The following PEX3 variants were observed in gnomAD, a reference collection of about 807,000 sequenced individuals.
The protein encoded by PEX3 is peroxin-3.
PEX3 carries 30 observed loss-of-function variants against 55.8 expected under a neutral mutation model. That is an observed-to-expected ratio of 0.54 (90% confidence interval 0.40 to 0.73). PEX3 has a LOEUF of 0.73. Ranked by LOEUF, PEX3 falls within the 30% of genes least tolerant of loss-of-function variation. The pLI, the probability that PEX3 is intolerant of heterozygous loss-of-function variation, is 0.00. For missense variants in PEX3, 351 were observed against 432.8 expected (o/e 0.81, Z 1.68); for synonymous variants, 135 against 148.4 (o/e 0.91, Z 0.66).
Position 143,454,532 on chromosome 6 carries a change from A to T in PEX3, c.73+3417A>T, listed in dbSNP as rs575875039. ...CATTCATTCATTCATTCTGTCATTG[A>T]ACAAACATTTGAATGAGAGTAAGTG... On this transcript the variant is annotated intron_variant, in intron 1 of 11. Coordinates refer to ENST00000367591, the MANE Select transcript of PEX3 (RefSeq NM_003630.3). This position sits in a 1 kb window ranked among gnomAD's most constrained non-coding sequence, Gnocchi z 4.3. 6.6e-6 allele frequency among the ~76,000 whole-genome samples: 1 copy of T among 152,356 alleles called. No individual in the cohort carries two copies. The highest frequency in any genetic ancestry group is 2.4e-5 in the African/African-American group (1 of 41,590).
rs2128745914 is a variant in PEX3, at chr6:143,463,581, T to C, written c.287+584T>C. 6.6e-6 allele frequency among the ~76,000 whole-genome samples: 1 copy of C among 152,196 alleles called. No homozygotes were observed. Among genetic ancestry groups the C allele is most frequent in the Non-Finnish European group, 1.5e-5 (1 of 68,002 alleles). ...GGGGTATTGTAATTTGGTATGATACTGTATTAGTTTGAGAAGACTTCCAGC... is the reference window on the plus strand; with the variant it reads ...GGGGTATTGTAATTTGGTATGATACCGTATTAGTTTGAGAAGACTTCCAGC... On this transcript the variant is annotated intron_variant, in intron 3 of 11. Transcript: ENST00000367591. The surrounding 1 kb of genome is among the most constrained non-coding windows in gnomAD (Gnocchi z 5.7).
Position 143,485,961 on chromosome 6 carries a change from A to C in PEX3, c.1038+713A>C, listed in dbSNP as rs538499438. On this transcript the variant is annotated intron_variant, in intron 11 of 11. Coordinates refer to ENST00000367591, the MANE Select transcript of PEX3 (RefSeq NM_003630.3). The surrounding 1 kb of genome is among the most constrained non-coding windows in gnomAD (Gnocchi z 5.6). Reference sequence around the variant, plus strand: ...ATAATGTACAATGAGAAGAGACCCTATGGCCTAAGCATAAAGCTGACATCT... The same window carrying C: ...ATAATGTACAATGAGAAGAGACCCTCTGGCCTAAGCATAAAGCTGACATCT... Among the ~76,000 whole-genome samples the C allele has an allele frequency of 6.6e-6, 1 of 152,158 alleles. No individual in the cohort carries two copies. Among genetic ancestry groups the C allele is most frequent in the East Asian group, 1.9e-4 (1 of 5,194 alleles).
rs1779948256 is a variant in PEX3 at position 143,463,202 on chromosome 6, G to A, written c.287+205G>A. ...TTTTGCATAAAGCATTCAAGGCAAT[G>A]ATATTTGTATGTATTGTTTTTCATA... On this transcript the variant is annotated intron_variant, in intron 3 of 11. Coordinates refer to ENST00000367591, the MANE Select transcript of PEX3 (RefSeq NM_003630.3). This position sits in a 1 kb window ranked among gnomAD's most constrained non-coding sequence, Gnocchi z 5.7. Among the ~76,000 whole-genome samples, 1 of 152,164 alleles carries A rather than the reference G, an allele frequency of 6.6e-6. No individual in the cohort carries two copies. The highest frequency in any genetic ancestry group is 2.4e-5 in the African/African-American group (1 of 41,434).
Position 143,489,766 on chromosome 6 carries a change from G to A in PEX3, c.*540G>A, listed in dbSNP as rs1790446056. ...TGATGGAGGACTTTTTTATTCTTAT[G>A]GAAATAGTGAATTCCAACAACTATG... On this transcript the variant is annotated 3_prime_UTR_variant, in exon 12 of 12. Coordinates refer to ENST00000367591, the MANE Select transcript of PEX3 (RefSeq NM_003630.3). This position sits in a 1 kb window ranked among gnomAD's most constrained non-coding sequence, Gnocchi z 5.5. 1 of 151,786 alleles carries A rather than the reference G, an allele frequency of 6.6e-6. No homozygotes were observed. The highest frequency in any genetic ancestry group is 1.5e-5 in the Non-Finnish European group (1 of 67,924). 9.4% of individuals were successfully genotyped at this position (151,786 alleles called of 1,614,324 possible). A position where few individuals can be genotyped will look rare whatever the true frequency, so the allele number is the denominator to read the frequency against.
At chr6:143,455,359 A>ATTTTTTTTTTTTTTTTTTTTTTTTTTTT (rs56788350) in intron 1 of PEX3, among the ~76,000 whole-genome samples, 1 of 71,968 alleles carries the variant, frequency 1.4e-5, no homozygotes, top group Admixed American at 2.1e-4. Context: ...CGCCCGGCTA[A>ATTTTTTTTTTTTTTTTTTTTTTTTTTTT]TTTTTTTTTT....
Position 143,487,714 on chromosome 6 carries a change from C to T in PEX3, c.1039-1429C>T, listed in dbSNP as rs1209637713. On this transcript the variant is annotated intron_variant, in intron 11 of 11. Transcript: ENST00000367591. This position sits in a 1 kb window ranked among gnomAD's most constrained non-coding sequence, Gnocchi z 5.3. ...AGCATTCAGCCTGCATTTTCTGAAG[C>T]TGACTTGCTAGTATTTTTTTTTTTA... Among the ~76,000 whole-genome samples, 1 of 151,990 alleles carries T rather than the reference C, an allele frequency of 6.6e-6. No homozygotes were observed. Among genetic ancestry groups the T allele is most frequent in the Non-Finnish European group, 1.5e-5 (1 of 67,946 alleles).
chr6:143,459,236 A>T lies in PEX3; in HGVS notation c.205+20A>T. The T allele has an allele frequency of 3.1e-6, 5 of 1,603,644 alleles. No homozygotes were observed. The highest frequency in any genetic ancestry group is 4.3e-6 in the Non-Finnish European group (5 of 1,170,888). On this transcript the variant is annotated intron_variant, in intron 2 of 11. Coordinates refer to ENST00000367591, the MANE Select transcript of PEX3 (RefSeq NM_003630.3). The surrounding 1 kb of genome is among the most constrained non-coding windows in gnomAD (Gnocchi z 4.2). Reference sequence around the variant, plus strand: ...TGACAGGTAAGACAGAGAAATATTTATACATGTGTAAAGTTGTTTGACGGT... The same window carrying T: ...TGACAGGTAAGACAGAGAAATATTTTTACATGTGTAAAGTTGTTTGACGGT...
chr6:143,473,832 A>G (rs1780109897), intron 8 of PEX3, among the ~76,000 whole-genome samples: 1 of 152,014 alleles, frequency 6.6e-6, no homozygotes, highest in African/African-American at 2.4e-5. Flanking sequence ...TGGTTGCACC[A>G]TTGCACTCCA....
chr6:143,488,627 TG>T lies in PEX3; in HGVS notation c.1039-515del, dbSNP rs1185636127. On this transcript the variant is annotated intron_variant, in intron 11 of 11. Transcript: ENST00000367591. This position sits in a 1 kb window ranked among gnomAD's most constrained non-coding sequence, Gnocchi z 4.9. ...GGTTAGAAGTTAAAGAAAATGAAGGTGTAATTTTTTTCTTATCTTCACATTC... is the reference window on the plus strand; with the variant it reads ...GGTTAGAAGTTAAAGAAAATGAAGGTTAATTTTTTTCTTATCTTCACATTC... Among the ~76,000 whole-genome samples, 3 of 152,222 alleles carry T rather than the reference TG, an allele frequency of 2.0e-5. No homozygotes were observed. The highest frequency in any genetic ancestry group is 4.4e-5 in the Non-Finnish European group (3 of 67,958).
In PEX3 at chr6:143,458,958, T is replaced by A. The variant is rs1046757078; in HGVS notation, c.74-127T>A. The A allele has an allele frequency of 3.2e-5, 21 of 655,606 alleles. No individual in the cohort carries two copies. The East Asian group carries it at 6.2e-4, about 19-fold the overall frequency. 40.6% of individuals were successfully genotyped at this position (655,606 alleles called of 1,614,324 possible). A position where few individuals can be genotyped will look rare whatever the true frequency, so the allele number is the denominator to read the frequency against. ...GGGCCAATCTTACAAAATTCTTTAT[T>A]TAGGTTTTAAAAATGTAATTTTAGC... On this transcript the variant is annotated intron_variant, in intron 1 of 11. Transcript: ENST00000367591. The surrounding 1 kb of genome is among the most constrained non-coding windows in gnomAD (Gnocchi z 6.1).
At chr6:143,472,354 A>C (rs1375492318) in intron 8 of PEX3, 26 bp downstream of exon 8, 12 of 1,533,608 alleles carry the variant, frequency 7.8e-6, no homozygotes, top group Non-Finnish European at 1.1e-5. Flanking sequence ...CCATTTAACC[A>C]AACCAGTTAC....
chr6:143,459,136 A>G lies in PEX3; in HGVS notation c.125A>G (p.Glu42Gly), dbSNP rs754388481. The G allele has an allele frequency of 6.2e-7, 1 of 1,605,394 alleles. No homozygotes were observed. Among genetic ancestry groups the G allele is most frequent in the Non-Finnish European group, 8.5e-7 (1 of 1,172,132 alleles). The change falls in exon 2 of 12, where the codon GAA (glutamate) becomes GGA (glycine). Residue 42 changes from glutamate (E) to glycine (G), a missense_variant. Glu to Gly is a moderately conservative substitution (Grantham distance 98). Transcript: ENST00000367591. This position sits in a 1 kb window ranked among gnomAD's most constrained non-coding sequence, Gnocchi z 4.2. Reference sequence around the variant, plus strand: ...CAGAAGAAAATCAGAGAAATACAGGAAAGGGAGGCTGCAGAATACATTGCC... The same window carrying G: ...CAGAAGAAAATCAGAGAAATACAGGGAAGGGAGGCTGCAGAATACATTGCC... ...YGQKKIREIQ[E>G]REAAEYIAQA...
Position 143,485,265 on chromosome 6 carries a change from G to A in PEX3, c.1038+17G>A, listed in dbSNP as rs1178008745. On this transcript the variant is annotated intron_variant, in intron 11 of 11. Coordinates refer to ENST00000367591, the MANE Select transcript of PEX3 (RefSeq NM_003630.3). The surrounding 1 kb of genome is among the most constrained non-coding windows in gnomAD (Gnocchi z 5.6). ...TTTGTTCAGGTAAGAAGAAAGCTTG[G>A]GAGTGTTATTAAAAGCAAATTATAT... 6 of 1,383,162 alleles carry A rather than the reference G, an allele frequency of 4.3e-6. No individual in the cohort carries two copies. The highest frequency in any genetic ancestry group is 6.2e-6 in the Non-Finnish European group (6 of 969,824). 85.7% of individuals were successfully genotyped at this position (1,383,162 alleles called of 1,614,324 possible). A position where few individuals can be genotyped will look rare whatever the true frequency, so the allele number is the denominator to read the frequency against.
At position 143,453,997 on chromosome 6, in the gene PEX3, A is replaced by G. The variant is rs1471510125; in HGVS notation, c.73+2882A>G. On this transcript the variant is annotated intron_variant, in intron 1 of 11. Transcript: ENST00000367591. The surrounding 1 kb of genome is among the most constrained non-coding windows in gnomAD (Gnocchi z 4.6). The stretch of plus-strand genomic sequence containing the variant: ...AAGCTTTCTAAATTTTATATCTATT[A>G]ATAGTTATGATATTCAAAATTAAAA... Among the ~76,000 whole-genome samples the G allele has an allele frequency of 3.3e-5, 5 of 152,062 alleles. No homozygotes were observed. The highest frequency in any genetic ancestry group is 5.9e-5 in the Non-Finnish European group (4 of 68,020).
In PEX3 at chr6:143,450,956, G is replaced by A; in HGVS notation, c.-87G>A. The A allele has an allele frequency of 1.0e-6, 1 of 997,348 alleles. No homozygotes were observed. The highest frequency in any genetic ancestry group is 1.6e-6 in the Non-Finnish European group (1 of 616,430). 61.8% of individuals were successfully genotyped at this position (997,348 alleles called of 1,614,324 possible). A position where few individuals can be genotyped will look rare whatever the true frequency, so the allele number is the denominator to read the frequency against. ...AGAACGGGACGACGGCGCTCTTGCT[G>A]GGTCATCTGGGCCAGGTGACGAAGA... is the stretch of plus-strand genomic sequence containing the variant. On this transcript the variant is annotated 5_prime_UTR_variant, in exon 1 of 12. Transcript: ENST00000367591.
chr6:143,465,123 A>C lies in PEX3; in HGVS notation c.287+2126A>C, dbSNP rs6901236. 2.1e-3 allele frequency among the ~76,000 whole-genome samples: 314 copies of C among 152,046 alleles called. No individual in the cohort carries two copies. The highest frequency in any genetic ancestry group is 7.1e-3 in the African/African-American group (296 of 41,540). On this transcript the variant is annotated intron_variant, in intron 3 of 11. Coordinates refer to ENST00000367591, the MANE Select transcript of PEX3 (RefSeq NM_003630.3). This position sits in a 1 kb window ranked among gnomAD's most constrained non-coding sequence, Gnocchi z 4.7. ...ATTCGTTTAATTCTCTTTACTTTTTATTTCTCCATGAAGGTATTTTAGTGA... is the reference window on the plus strand; with the variant it reads ...ATTCGTTTAATTCTCTTTACTTTTTCTTTCTCCATGAAGGTATTTTAGTGA...
At position 143,450,883 on chromosome 6, in the gene PEX3, C is replaced by G; in HGVS notation, c.-160C>G. On this transcript the variant is annotated 5_prime_UTR_variant, in exon 1 of 12. Coordinates refer to ENST00000367591, the MANE Select transcript of PEX3 (RefSeq NM_003630.3). ...TGTAGTCCACGCCCCCTTGCCGCTC[C>G]GGTGACAGTCTCTGCGGAAAGTCAC... 1.3e-6 allele frequency: 1 copy of G among 798,408 alleles called. No individual in the cohort carries two copies. The highest frequency in any genetic ancestry group is 2.2e-6 in the Non-Finnish European group (1 of 449,952). The allele number at this position is 798,408 out of a possible 1,614,324, so 49.5% of individuals were successfully genotyped here. A position where few individuals can be genotyped will look rare whatever the true frequency, so the allele number is the denominator to read the frequency against.
intron 8 of PEX3, 24 bp downstream of exon 8, chr6:143,472,352 C>T (rs776497790): frequency 6.5e-7 from 1 of 1,542,602 alleles, no homozygotes; most frequent in South Asian, 1.1e-5. Flanking sequence ...AACCATTTAA[C>T]CAAACCAGTT....
chr6:143,457,343 CTCATT>C (rs1392668087), intron 1 of PEX3, among the ~76,000 whole-genome samples: 1 of 152,142 alleles, frequency 6.6e-6, no homozygotes, highest in Non-Finnish European at 1.5e-5. Context: ...TATATGAACT[CTCATT>C]TCTTCTTTAA....
Sources: gnomAD v4.1 joint callset for allele counts (sites outside exome capture counted in the v4.1 genomes callset) on GRCh38, gnomAD v4.1.1 for gene constraint, Gnocchi (gnomAD v3.1) non-coding constraint, MANE v1.5 for transcripts, NCBI Gene and HGNC (gene_info 2026-07-23, HGNC 2026-07-21) for gene names.